Variants in C10orf90 observed in about 807,000 individuals in gnomAD.
C10orf90 encodes chromosome 10 open reading frame 90.
In C10orf90, 56 loss-of-function variants were observed where a neutral mutation model predicts 62.5. The ratio of observed to expected loss-of-function variants is 0.90; its 90% CI spans 0.72 to 1.12. The LOEUF (loss-of-function observed/expected upper bound fraction) is 1.12. Ranked by LOEUF, C10orf90 falls within the 50% of genes most tolerant of loss-of-function variation. The pLI is 0.00. For missense variants in C10orf90, 970 were observed against 880.4 expected (o/e 1.10, Z -1.29); for synonymous variants, 386 against 340.4 (o/e 1.13, Z -1.47).
chr10:126,532,083 T>C (rs920534190), intron 2 of C10orf90, among the ~76,000 whole-genome samples: 33 of 152,296 alleles, frequency 2.2e-4, no homozygotes, highest in African/African-American at 7.9e-4. Flanking sequence ...GGCAATGAAC[T>C]CCCCGATCAT....
chr10:126,504,391 G>C lies in C10orf90; in HGVS notation c.1100C>G (p.Ser367Cys). The change falls in exon 4 of 10, where the codon TCT becomes TGT. Residue 367 changes from serine (S) to cysteine (C), a missense_variant. Transcript: ENST00000488181. This position sits in a 1 kb window ranked among gnomAD's most constrained non-coding sequence, Gnocchi z 4.1. ...AGGTGGCTCAATGGGGACGGAGAGA[G>C]ACTTGTCTACGTAATAGATTGAATC... ...CPDSIYYVDK[S>C]LSVPIEPPQI... The C allele has an allele frequency of 6.2e-7, 1 of 1,614,214 alleles. No individual in the cohort carries two copies. Among genetic ancestry groups the C allele is most frequent in the South Asian group, 1.1e-5 (1 of 91,078 alleles).
chr10:126,502,138 C>T (rs1421924162), intron 4 of C10orf90, among the ~76,000 whole-genome samples: 2 of 151,722 alleles, frequency 1.3e-5, no homozygotes, highest in Non-Finnish European at 2.9e-5. Context: ...ACAACACACA[C>T]ACACACTAGG....
chr10:126,431,741 T>A (rs1032558996), intron 7 of C10orf90, among the ~76,000 whole-genome samples: 1 of 152,206 alleles, frequency 6.6e-6, no homozygotes, highest in African/African-American at 2.4e-5. Flanking sequence ...ATTTTGATCA[T>A]CTTGGTTCAA....
intron 2 of C10orf90, among the ~76,000 whole-genome samples, chr10:126,538,170 C>T (rs1398833544): frequency 6.6e-6 from 1 of 152,204 alleles, no homozygotes; most frequent in Middle Eastern, 3.2e-3. Context: ...CACATGGCGG[C>T]AGGCAAGAGA....
chr10:126,589,497 C>T (rs528073149), intron 2 of C10orf90, among the ~76,000 whole-genome samples: 42 of 152,336 alleles, frequency 2.8e-4, no homozygotes, highest in African/African-American at 1.0e-3. Flanking sequence ...ATCAGACTAA[C>T]AGCAGATCTC....
At chr10:126,576,962 A>G (rs1844640063) in intron 2 of C10orf90, among the ~76,000 whole-genome samples, 1 of 151,548 alleles carries the variant, frequency 6.6e-6, no homozygotes, top group Admixed American at 6.6e-5. Context: ...ATTTCATAGG[A>G]GTAAAAAGTA....
chr10:126,567,766 G>A (rs538694136), intron 2 of C10orf90, among the ~76,000 whole-genome samples: 15 of 152,182 alleles, frequency 9.9e-5, no homozygotes, highest in Non-Finnish European at 2.1e-4. Context: ...CGCCAGACTG[G>A]AGCAGGTGGA....
At chr10:126,443,292 G>C (rs1858518204) in intron 7 of C10orf90, among the ~76,000 whole-genome samples, 1 of 151,978 alleles carries the variant, frequency 6.6e-6, no homozygotes, top group African/African-American at 2.4e-5. Flanking sequence ...GAAAAGAGGA[G>C]AGAAAATCCA....
At chr10:126,634,564 C>T (rs1015731992) in intron 2 of C10orf90, among the ~76,000 whole-genome samples, 2 of 152,016 alleles carry the variant, frequency 1.3e-5, no homozygotes, top group African/African-American at 4.8e-5. Flanking sequence ...CTAGAGTCAA[C>T]AAGTGTACAA....
intron 2 of C10orf90, among the ~76,000 whole-genome samples, chr10:126,626,107 C>A (rs115789909): frequency 0.014 from 1,947 of 137,470 alleles, 46 homozygotes; most frequent in African/African-American, 0.051. Flanking sequence ...CAACCCTGGG[C>A]AACACAGCGA....
chr10:126,512,682 G>A (rs1224150761), intron 3 of C10orf90, among the ~76,000 whole-genome samples: 1 of 152,080 alleles, frequency 6.6e-6, no homozygotes, highest in Non-Finnish European at 1.5e-5. Flanking sequence ...ACAGCTCTCA[G>A]TGATCCACTG....
rs371582331 is a variant in C10orf90 at position 126,504,210 on chromosome 10, G to A, written c.1281C>T (p.Leu427=). 1.9e-6 allele frequency: 3 copies of A among 1,614,100 alleles called. No homozygotes were observed. Among genetic ancestry groups the A allele is most frequent in the East Asian group, 2.2e-5 (1 of 44,862 alleles). ...KQELLEGDQD[L]VGQRWNPGLQ... Reference sequence around the variant, plus strand: ...AACCTGGGTTCCAGCGCTGGCCTACGAGGTCCTGGTCTCCCTCCAGGAGCT... The same window carrying A: ...AACCTGGGTTCCAGCGCTGGCCTACAAGGTCCTGGTCTCCCTCCAGGAGCT... Residue 427 remains leucine (L), a synonymous_variant, in exon 4 of 10, where the codon CTC becomes CTT. Coordinates refer to ENST00000488181, the MANE Select transcript of C10orf90 (RefSeq NM_001350921.2). This position sits in a 1 kb window ranked among gnomAD's most constrained non-coding sequence, Gnocchi z 4.1.
intron 4 of C10orf90, among the ~76,000 whole-genome samples, chr10:126,468,075 C>T (rs1352321407): frequency 6.7e-6 from 1 of 149,778 alleles, no homozygotes. Flanking sequence ...AAGCACAAAG[C>T]TAGCTTTTTT....
chr10:126,628,678 G>T (rs1845794499), intron 2 of C10orf90, among the ~76,000 whole-genome samples: 1 of 152,200 alleles, frequency 6.6e-6, no homozygotes, highest in African/African-American at 2.4e-5. Context: ...GGATGGTTTT[G>T]CAGAGTGGAC....
chr10:126,506,117 G>A (rs1862718191), intron 3 of C10orf90, among the ~76,000 whole-genome samples: 1 of 152,222 alleles, frequency 6.6e-6, no homozygotes, highest in East Asian at 1.9e-4. Context: ...ATGATCGGTT[G>A]TATCAGTTTT....
intron 4 of C10orf90, among the ~76,000 whole-genome samples, chr10:126,473,161 T>C (rs1860673008): frequency 6.6e-6 from 1 of 152,184 alleles, no homozygotes; most frequent in Non-Finnish European, 1.5e-5. Context: ...CAACCACAGC[T>C]GCTTCAGCTC....
chr10:126,636,299 C>A (rs530005250), intron 2 of C10orf90, among the ~76,000 whole-genome samples: 82 of 152,250 alleles, frequency 5.4e-4, no homozygotes, highest in African/African-American at 1.9e-3. Flanking sequence ...GGCCTTCCTG[C>A]CTACCGCATT....
chr10:126,468,303 G>A (rs1338534060), intron 4 of C10orf90, among the ~76,000 whole-genome samples: 2 of 152,122 alleles, frequency 1.3e-5, no homozygotes, highest in Admixed American at 6.5e-5. Flanking sequence ...TCTTGACCCC[G>A]TGATCTGCCT....
chr10:126,446,836 GA>G (rs61029760), intron 7 of C10orf90, among the ~76,000 whole-genome samples: 69,360 of 150,906 alleles, frequency 0.46, 15,960 homozygotes, highest in African/African-American at 0.51. Context: ...AATTTGTTAA[GA>G]AAAAAATATA....
Sources: gnomAD v4.1 joint callset for allele counts (sites outside exome capture counted in the v4.1 genomes callset) on GRCh38, gnomAD v4.1.1 for gene constraint, Gnocchi (gnomAD v3.1) non-coding constraint, MANE v1.5 for transcripts, NCBI Gene and HGNC (gene_info 2026-07-23, HGNC 2026-07-21) for gene names.